The following STIM2 variants were observed in gnomAD, a reference collection of about 807,000 sequenced individuals.
The protein encoded by STIM2 is stromal interaction molecule 2.
A neutral mutation model predicts 85.8 loss-of-function variants in STIM2; 31 were observed. That is an observed-to-expected ratio of 0.36 (90% CI 0.27 to 0.49). STIM2 has a LOEUF of 0.49. STIM2 is among the 20% of genes least tolerant of loss of function. The pLI is 0.98. For synonymous variants in STIM2, 356 were observed against 331.1 expected, an observed-to-expected ratio of 1.08 and a Z score of -0.82; for missense variants, 841 against 927.6, an observed-to-expected ratio of 0.91 and a Z score of 1.21.
chr4:26,983,721 T>G (rs1727484336), intron 3 of STIM2, among the ~76,000 whole-genome samples: 1 of 152,230 alleles, frequency 6.6e-6, no homozygotes, highest in Non-Finnish European at 1.5e-5. Context: ...AAGAAGGTAT[T>G]TATTAACTAG....
At chr4:27,016,863 A>G (rs1302483286) in intron 10 of STIM2, among the ~76,000 whole-genome samples, 1 of 152,210 alleles carries the variant, frequency 6.6e-6, no homozygotes, top group Non-Finnish European at 1.5e-5. Context: ...AGATTCAGTC[A>G]TGTCCCTTAA....
intron 3 of STIM2, among the ~76,000 whole-genome samples, chr4:26,983,289 T>C (rs1325417814): frequency 6.6e-6 from 1 of 152,242 alleles, no homozygotes; most frequent in Admixed American, 6.5e-5. Flanking sequence ...AAAGGTCCCC[T>C]ATGAATGGGG....
chr4:26,993,474 C>T (rs1304864699), intron 3 of STIM2, among the ~76,000 whole-genome samples: 1 of 152,082 alleles, frequency 6.6e-6, no homozygotes, highest in African/African-American at 2.4e-5. Context: ...ATAAAAAAGG[C>T]AGATTGATGG....
At chr4:27,020,036 T>C (rs1329442615) in intron 11 of STIM2, among the ~76,000 whole-genome samples, 1 of 152,212 alleles carries the variant, frequency 6.6e-6, no homozygotes, top group African/African-American at 2.4e-5. Flanking sequence ...CTTTAACAGA[T>C]AGGAAAATTG....
intron 3 of STIM2, among the ~76,000 whole-genome samples, chr4:26,959,175 C>T (rs980346525): frequency 2.6e-5 from 4 of 152,116 alleles, no homozygotes; most frequent in Non-Finnish European, 5.9e-5. Flanking sequence ...TACAAAGACC[C>T]GTAAGCCTCT....
chr4:26,904,927 T>C (rs1354531699), intron 1 of STIM2, among the ~76,000 whole-genome samples: 1 of 152,066 alleles, frequency 6.6e-6, no homozygotes, highest in African/African-American at 2.4e-5. Context: ...ATATAGAAAC[T>C]TGGATAATTT....
At chr4:26,890,748 C>T (rs866410528) in intron 1 of STIM2, among the ~76,000 whole-genome samples, 70 of 147,496 alleles carry the variant, frequency 4.7e-4, no homozygotes, top group African/African-American at 1.6e-3. Context: ...GGCGTGAACC[C>T]GGGAGGCGGA....
intron 3 of STIM2, among the ~76,000 whole-genome samples, chr4:26,963,128 T>C (rs1276752684): frequency 2.6e-5 from 4 of 152,152 alleles, no homozygotes; most frequent in Non-Finnish European, 5.9e-5. Flanking sequence ...AGCCAGAGAC[T>C]AAATGACCAA....
At chr4:27,020,975 A>G (rs1728888419) in intron 11 of STIM2, 21 of 1,533,020 alleles carry the variant, frequency 1.4e-5, no homozygotes, top group Non-Finnish European at 1.8e-5. Context: ...TCATTTCTCA[A>G]TCATTTCCTT....
At chr4:26,882,538 A>G (rs1461064627) in intron 1 of STIM2, among the ~76,000 whole-genome samples, 2 of 151,730 alleles carry the variant, frequency 1.3e-5, no homozygotes, top group African/African-American at 4.8e-5. Flanking sequence ...GCTCACTGCA[A>G]CCTCTGCCTC....
At chr4:26,889,525 A>C (rs1468326224) in intron 1 of STIM2, among the ~76,000 whole-genome samples, 2 of 152,206 alleles carry the variant, frequency 1.3e-5, no homozygotes, top group Non-Finnish European at 2.9e-5. Context: ...TGTTGTAATA[A>C]GAACAAAACA....
Position 26,953,391 on chromosome 4 carries a change from A to C in STIM2, c.283-4221A>C, listed in dbSNP as rs182876703. Among the ~76,000 whole-genome samples, 21 of 152,280 alleles carry C rather than the reference A, an allele frequency of 1.4e-4. No homozygotes were observed. The East Asian group carries it at 2.9e-3, about 21-fold the overall frequency. On this transcript the variant is annotated intron_variant, in intron 2 of 11. Coordinates refer to ENST00000467087, the MANE Select transcript of STIM2 (RefSeq NM_020860.4). ...GTATGCCTTTTAATTTAATCTTTGT[A>C]ACCTTATGTAGTAGACAATTTTATT...
intron 3 of STIM2, among the ~76,000 whole-genome samples, chr4:26,991,346 C>T (rs144524971): frequency 9.7e-4 from 148 of 152,128 alleles, no homozygotes; most frequent in African/African-American, 3.5e-3. Flanking sequence ...AAATATCACA[C>T]GTTCTTCCTC....
chr4:26,888,019 C>G (rs987133749), intron 1 of STIM2, among the ~76,000 whole-genome samples: 5 of 152,208 alleles, frequency 3.3e-5, no homozygotes, highest in Non-Finnish European at 7.3e-5. Flanking sequence ...GGCTTTCCTG[C>G]TGATTGGATC....
chr4:26,967,220 G>A (rs1240224841), intron 3 of STIM2, among the ~76,000 whole-genome samples: 1 of 152,168 alleles, frequency 6.6e-6, no homozygotes, highest in Non-Finnish European at 1.5e-5. Context: ...TTATCACTGG[G>A]AGATTATAGT....
At chr4:27,004,138 T>C (rs1434413739) in intron 7 of STIM2, among the ~76,000 whole-genome samples, 3 of 152,208 alleles carry the variant, frequency 2.0e-5, no homozygotes, top group African/African-American at 7.2e-5. Context: ...GGTCAACTCA[T>C]GAGAATACAT....
intron 2 of STIM2, among the ~76,000 whole-genome samples, chr4:26,922,667 A>G (rs1283640547): frequency 6.6e-6 from 1 of 152,140 alleles, no homozygotes; most frequent in Non-Finnish European, 1.5e-5. Context: ...ACCTTGTAAC[A>G]GAGTTTTTGT....
intron 1 of STIM2, among the ~76,000 whole-genome samples, chr4:26,902,540 A>G (rs1285851763): frequency 1.3e-5 from 2 of 152,190 alleles, no homozygotes; most frequent in South Asian, 2.1e-4. Flanking sequence ...ACTTTTCAGT[A>G]TAGGACCTAC....
chr4:26,908,094 T>C (rs1724196611), intron 1 of STIM2, among the ~76,000 whole-genome samples: 1 of 152,184 alleles, frequency 6.6e-6, no homozygotes, highest in African/African-American at 2.4e-5. Flanking sequence ...AAAAATCCAG[T>C]AAACACATAG....
Sources: gnomAD v4.1 joint callset for allele counts (sites outside exome capture counted in the v4.1 genomes callset) on GRCh38, gnomAD v4.1.1 for gene constraint, MANE v1.5 for transcripts, NCBI Gene and HGNC (gene_info 2026-07-23, HGNC 2026-07-21) for gene names.